NIM1K: variants seen among roughly 807,000 people sequenced by gnomAD.
NIM1K encodes the protein NIM1 serine/threonine protein kinase.
A neutral mutation model predicts 37.1 loss-of-function variants in NIM1K; 35 were observed. The observed-to-expected ratio is 0.94, with a 90% CI of 0.72 to 1.25. The LOEUF is 1.25. Among genes scored for constraint, NIM1K ranks in the 50% most tolerant of loss-of-function variants. The pLI is 0.00. For missense variants in NIM1K, 564 were observed against 548.0 expected (o/e 1.03, Z -0.29); for synonymous variants, 234 against 206.6 (o/e 1.13, Z -1.14).
chr5:43,209,773 C>T (rs1011711811), intron 1 of NIM1K, among the ~76,000 whole-genome samples: 2 of 152,042 alleles, frequency 1.3e-5, no homozygotes, highest in South Asian at 2.1e-4. Flanking sequence ...CGCCACCACG[C>T]CCAGCTAATT....
intron 1 of NIM1K, among the ~76,000 whole-genome samples, chr5:43,199,910 T>C (rs71627589): frequency 0.058 from 8,790 of 152,264 alleles, 365 homozygotes; most frequent in East Asian, 0.21. Flanking sequence ...CAGAGTTTTG[T>C]TCTTGCCCAG....
chr5:43,267,471 T>G (rs1421284774), intron 2 of NIM1K, among the ~76,000 whole-genome samples: 1 of 152,186 alleles, frequency 6.6e-6, no homozygotes, highest in African/African-American at 2.4e-5. Context: ...CTCTGGTCTT[T>G]GTTGTTTCTT....
chr5:43,238,144 G>A (rs775767078), intron 1 of NIM1K, among the ~76,000 whole-genome samples: 1 of 148,788 alleles, frequency 6.7e-6, no homozygotes, highest in African/African-American at 2.5e-5. Flanking sequence ...ACGGGTTCAC[G>A]CCATTCTCCT....
chr5:43,266,981 A>T (rs2112293518), intron 2 of NIM1K, among the ~76,000 whole-genome samples: 1 of 151,816 alleles, frequency 6.6e-6, no homozygotes, highest in East Asian at 1.9e-4. Context: ...GTTTGGGAGG[A>T]TTTTCTCTTT....
At chr5:43,238,700 C>A (rs1266071424) in intron 1 of NIM1K, among the ~76,000 whole-genome samples, 1 of 151,798 alleles carries the variant, frequency 6.6e-6, no homozygotes, top group Non-Finnish European at 1.5e-5. Context: ...GGCTATGTGG[C>A]TTTCTTGATG....
intron 1 of NIM1K, among the ~76,000 whole-genome samples, chr5:43,204,257 T>C (rs945058379): frequency 2.0e-5 from 3 of 150,648 alleles, no homozygotes; most frequent in Non-Finnish European, 4.4e-5. Flanking sequence ...CTAATTTTTG[T>C]ATTTTTAGTA....
intron 1 of NIM1K, among the ~76,000 whole-genome samples, chr5:43,223,428 T>A (rs1393568988): frequency 6.6e-6 from 1 of 152,242 alleles, no homozygotes; most frequent in Non-Finnish European, 1.5e-5. Context: ...ATATAAGAGC[T>A]AACTGTTATT....
intron 2 of NIM1K, among the ~76,000 whole-genome samples, chr5:43,246,291 C>T (rs1312603773): frequency 6.6e-6 from 1 of 152,170 alleles, no homozygotes; most frequent in Non-Finnish European, 1.5e-5. Context: ...AAACTGAGAT[C>T]CAAAGAAGGC....
intron 1 of NIM1K, chr5:43,233,305 T>G: frequency 8.3e-6 from 3 of 362,574 alleles, no homozygotes; most frequent in Non-Finnish European, 4.6e-6. Context: ...AAGGCAAGAG[T>G]GACACTTAAA....
chr5:43,224,235 G>A (rs901760624), intron 1 of NIM1K, among the ~76,000 whole-genome samples: 3 of 151,746 alleles, frequency 2.0e-5, no homozygotes, highest in Non-Finnish European at 4.4e-5. Flanking sequence ...GAACCTATGC[G>A]CTGTCCCCTC....
intron 1 of NIM1K, among the ~76,000 whole-genome samples, chr5:43,233,729 C>G (rs1752575920): frequency 6.6e-6 from 1 of 152,222 alleles, no homozygotes; most frequent in African/African-American, 2.4e-5. Context: ...TCTGCTTTGA[C>G]TTACAAATAT....
intron 1 of NIM1K, among the ~76,000 whole-genome samples, chr5:43,241,470 G>C (rs1752702275): frequency 6.6e-6 from 1 of 151,778 alleles, no homozygotes; most frequent in Non-Finnish European, 1.5e-5. Context: ...CTCCTGAGTA[G>C]CTGGGACTAC....
chr5:43,253,212 ATGTGTG>A (rs10603525), intron 2 of NIM1K, among the ~76,000 whole-genome samples: 12,822 of 131,116 alleles, frequency 0.098, 711 homozygotes, highest in Middle Eastern at 0.15. Context: ...AATATAATAT[ATGTGTG>A]TGTGTGTGTG....
intron 2 of NIM1K, among the ~76,000 whole-genome samples, chr5:43,268,386 G>T (rs1039252014): frequency 6.6e-6 from 1 of 152,044 alleles, no homozygotes; most frequent in African/African-American, 2.4e-5. Context: ...AGGCAGTTTT[G>T]GGGAAGGGAT....
At chr5:43,228,674 C>G (rs183741647) in intron 1 of NIM1K, among the ~76,000 whole-genome samples, 342 of 151,034 alleles carry the variant, frequency 2.3e-3, no homozygotes, top group African/African-American at 7.3e-3. Context: ...AAAAAAAAAC[C>G]CTAAAAATCA....
chr5:43,275,971 G>A (rs1022489741), intron 2 of NIM1K, among the ~76,000 whole-genome samples: 2 of 150,442 alleles, frequency 1.3e-5, no homozygotes, highest in Non-Finnish European at 2.9e-5. Flanking sequence ...TGCGATCTCG[G>A]CTCACTGCAA....
intron 2 of NIM1K, among the ~76,000 whole-genome samples, chr5:43,263,920 G>C (rs199989717): frequency 1.3e-5 from 2 of 152,152 alleles, no homozygotes; most frequent in Non-Finnish European, 2.9e-5. Flanking sequence ...TTTCCATGTA[G>C]TTGAGTGGTT....
intron 1 of NIM1K, among the ~76,000 whole-genome samples, chr5:43,241,967 C>A (rs768921632): frequency 6.6e-6 from 1 of 151,908 alleles, no homozygotes. Flanking sequence ...GGCTTTTTCC[C>A]CAGTTGACTT....
intron 2 of NIM1K, among the ~76,000 whole-genome samples, chr5:43,255,357 G>A (rs1054166338): frequency 3.9e-5 from 6 of 152,212 alleles, no homozygotes; most frequent in African/African-American, 1.4e-4. Context: ...AAAATAGACA[G>A]CAATCTCTGT....
Sources: allele counts gnomAD v4.1 joint callset (sites outside exome capture counted in the v4.1 genomes callset), GRCh38; gene constraint gnomAD v4.1.1; transcripts MANE v1.5; gene names NCBI Gene and HGNC (gene_info 2026-07-23, HGNC 2026-07-21).